Variants in LIAS observed in about 807,000 individuals in gnomAD.
LIAS encodes lipoic acid synthetase.
A neutral mutation model predicts 49.4 loss-of-function variants in LIAS; 36 were observed. The observed-to-expected ratio is 0.73, with a 90% CI of 0.56 to 0.96. LIAS has a LOEUF of 0.96. Among genes scored for constraint, LIAS ranks in the 40% least tolerant of loss-of-function variants. The probability of loss-of-function intolerance (pLI) is 0.00; values close to 1 mark genes in which losing one functional copy is unlikely to be tolerated. For missense variants in LIAS, 399 were observed against 456.3 expected (o/e 0.87, Z 1.14); for synonymous variants, 145 against 155.8 (o/e 0.93, Z 0.52).
intron 1 of LIAS, among the ~76,000 whole-genome samples, chr4:39,460,552 A>C (rs63308860): frequency 1.6e-4 from 24 of 151,146 alleles, no homozygotes; most frequent in Non-Finnish European, 3.2e-4. Context: ...AAAAAAAAAA[A>C]CAGATTTCCA....
At chr4:39,466,187 G>A (rs79110134) in intron 6 of LIAS, 4,223 of 152,052 alleles carry the variant, frequency 0.028, 107 homozygotes, top group Middle Eastern at 0.11. Context: ...TGTTCCCCAG[G>A]CTGGTCTCAA....
Position 39,477,393 on chromosome 4 carries a change from G to A in LIAS, c.*278G>A, listed in dbSNP as rs769096074. ...AAAACACAAAAATTAGTCAGGCGTG[G>A]TAGTGGGTGCCTGTAATCCCAGCTA... On this transcript the variant is annotated 3_prime_UTR_variant, in exon 11 of 11. Transcript: ENST00000640888. 1.7e-5 allele frequency: 5 copies of A among 287,532 alleles called. No homozygotes were observed. Among genetic ancestry groups the A allele is most frequent in the Non-Finnish European group, 2.6e-5 (4 of 155,748 alleles). 17.8% of individuals were successfully genotyped at this position (287,532 alleles called of 1,614,324 possible).
At chr4:39,466,753 C>T (rs1193755390) in intron 6 of LIAS, 1 of 152,022 alleles carries the variant, frequency 6.6e-6, no homozygotes. Flanking sequence ...CTTTGAATAT[C>T]TCTTATATTC....
rs1389446389 is a variant in LIAS, at chr4:39,471,313, G to A, written c.954+7G>A. The A allele has an allele frequency of 3.4e-6, 5 of 1,490,874 alleles. No individual in the cohort carries two copies. The highest frequency in any genetic ancestry group is 1.4e-5 in the African/African-American group (1 of 70,900). The allele number at this position is 1,490,874 out of a possible 1,614,324, so 92.4% of individuals were successfully genotyped here. The stretch of plus-strand genomic sequence containing the variant: ...AACAAGGCGTCACCTTAAGGTACAT[G>A]TATCTTGATTTGCTTTTTTTTTTTT... On this transcript the variant is annotated splice_region_variant and intron_variant, in intron 9 of 10. Coordinates refer to ENST00000640888, the MANE Select transcript of LIAS (RefSeq NM_006859.4).
chr4:39,464,907 A>T, intron 4 of LIAS, 139 bp from the exon 5 acceptor site: 1 of 606,706 alleles, frequency 1.6e-6, no homozygotes, highest in Non-Finnish European at 2.9e-6. Flanking sequence ...CTTGACTATC[A>T]TTTAGTTTTG....
chr4:39,474,634 C>T (rs559270324), intron 10 of LIAS, among the ~76,000 whole-genome samples: 5 of 151,750 alleles, frequency 3.3e-5, no homozygotes, highest in African/African-American at 1.2e-4. Context: ...CTCTCTCCAT[C>T]GCCCAGGCTG....
intron 1 of LIAS, among the ~76,000 whole-genome samples, chr4:39,459,948 A>T (rs542021877): frequency 6.7e-6 from 1 of 148,892 alleles, no homozygotes; most frequent in South Asian, 2.1e-4. Context: ...CGACAGAGCG[A>T]GACTCCATCT....
At chr4:39,471,046 T>C (rs1046334815) in intron 8 of LIAS, among the ~76,000 whole-genome samples, 190 bp from the exon 9 acceptor site, 2 of 152,238 alleles carry the variant, frequency 1.3e-5, no homozygotes, top group African/African-American at 4.8e-5. Context: ...TTAATTATTA[T>C]TGTTTTCAGT....
At chr4:39,474,259 T>A in intron 10 of LIAS, among the ~76,000 whole-genome samples, 2 of 108,794 alleles carry the variant, frequency 1.8e-5, no homozygotes, top group African/African-American at 3.8e-5. Flanking sequence ...CAAGACTCTG[T>A]CTCAAAAAAA....
At chr4:39,462,022 C>G (rs1431400977) in intron 2 of LIAS, among the ~76,000 whole-genome samples, 174 bp from the exon 3 acceptor site, 1 of 152,060 alleles carries the variant, frequency 6.6e-6, no homozygotes, top group African/African-American at 2.4e-5. Flanking sequence ...GTGGTTTGAG[C>G]AAGGCTAAAT....
intron 3 of LIAS, 133 bp downstream of exon 3, chr4:39,462,422 A>C (rs1459267773): frequency 6.7e-5 from 21 of 311,652 alleles, no homozygotes. Context: ...CATTACTACC[A>C]GGAATGGAAA....
rs1198351458 is a variant in LIAS, at chr4:39,477,524, CATCTCAAATAAATAAAAAGG to C, written c.*411_*430del. The C allele has an allele frequency of 1.3e-5, 2 of 157,658 alleles. No homozygotes were observed. Among genetic ancestry groups the C allele is most frequent in the African/African-American group, 4.8e-5 (2 of 41,370 alleles). The allele number at this position is 157,658 out of a possible 1,614,324, so 9.8% of individuals were successfully genotyped here. On this transcript the variant is annotated 3_prime_UTR_variant, in exon 11 of 11. Transcript: ENST00000640888. ...AGCCTGGGTGACAAGAGCAAAACTC[CATCTCAAATAAATAAAAAGG>C]AAAAAAAAGTCAATAAACTGTACAA...
rs760073792 is a variant in LIAS, at chr4:39,462,234, T to C, written c.257T>C (p.Met86Thr). 2 of 1,564,660 alleles carry C rather than the reference T, an allele frequency of 1.3e-6. No homozygotes were observed. The highest frequency in any genetic ancestry group is 1.7e-6 in the Non-Finnish European group (2 of 1,158,658). ...LPPWLKTEIP[M>T]GKNYNKLKNT... is the part of the protein sequence containing the mutation. ...CCATGGCTAAAGACAGAGATTCCCATGGGGAAAAATTACAATAAACTGAAA... is the reference window on the plus strand; with the variant it reads ...CCATGGCTAAAGACAGAGATTCCCACGGGGAAAAATTACAATAAACTGAAA... Residue 86 changes from methionine to threonine, a missense_variant, in exon 3 of 11, where the codon ATG (methionine) becomes ACG (threonine). Met to Thr is a moderately conservative substitution (Grantham distance 81). Around this residue, in one of 3 missense-constraint regions of LIAS, gnomAD observed 159 missense variants for 147.6 expected, o/e 1.08. Coordinates refer to ENST00000640888, the MANE Select transcript of LIAS (RefSeq NM_006859.4).
Position 39,471,284 on chromosome 4 carries a change from AGCCAACAAGG to A in LIAS, c.933_942del (p.Gln311HisfsTer21). ...TGCTTGACTTTAGGACAATATATGC[AGCCAACAAGG>A]CGTCACCTTAAGGTACATGTATCTT... On this transcript the variant is annotated frameshift_variant, in exon 9 of 11. Coordinates refer to ENST00000640888, the MANE Select transcript of LIAS (RefSeq NM_006859.4). LOFTEE classifies it high-confidence loss of function. 6.2e-7 allele frequency: 1 copy of A among 1,610,632 alleles called. No homozygotes were observed. The highest frequency in any genetic ancestry group is 8.5e-7 in the Non-Finnish European group (1 of 1,178,362).
intron 1 of LIAS, among the ~76,000 whole-genome samples, chr4:39,459,849 A>T (rs1028834102): frequency 2.0e-5 from 3 of 151,846 alleles, no homozygotes; most frequent in Non-Finnish European, 2.9e-5. Context: ...AGTCCCAGCT[A>T]CTCGCCAGGC....
At chr4:39,471,971 A>T (rs567740154) in intron 9 of LIAS, among the ~76,000 whole-genome samples, 47 of 152,040 alleles carry the variant, frequency 3.1e-4, no homozygotes, top group Non-Finnish European at 6.5e-4. Flanking sequence ...GCCCATGTAT[A>T]GCTTTTGACT....
At chr4:39,472,978 G>A (rs941514526) in intron 9 of LIAS, 122 bp from the exon 10 acceptor site, 3 of 616,580 alleles carry the variant, frequency 4.9e-6, no homozygotes, top group African/African-American at 3.7e-5. Context: ...GAGGACAAAA[G>A]CCTGGGGGTG....
intron 10 of LIAS, 145 bp from the exon 11 acceptor site, chr4:39,476,918 C>T (rs1745212600): frequency 1.7e-6 from 1 of 588,722 alleles, no homozygotes; most frequent in East Asian, 3.1e-5. Flanking sequence ...AAAAATATTG[C>T]CATTGAGGTT....
At chr4:39,476,960 G>A in intron 10 of LIAS, 103 bp from the exon 11 acceptor site, 1 of 737,890 alleles carries the variant, frequency 1.4e-6, no homozygotes, top group South Asian at 1.9e-5. Flanking sequence ...AAATACAAAA[G>A]TCTTCTTTAA....
Sources: allele counts gnomAD v4.1 joint callset (sites outside exome capture counted in the v4.1 genomes callset), GRCh38; gene constraint gnomAD v4.1.1; regional missense constraint gnomAD v4.1.1; transcripts MANE v1.5; gene names NCBI Gene and HGNC (gene_info 2026-07-23, HGNC 2026-07-21).